The following ARK2C variants were observed in gnomAD, a reference collection of about 807,000 sequenced individuals.
The protein encoded by ARK2C is E3 ubiquitin-protein ligase ARK2C.
chr18:46,448,602 C>G, the ARK2C span, among the ~76,000 whole-genome samples: 44 of 152,258 alleles, frequency 2.9e-4, no homozygotes, highest in African/African-American at 8.7e-4. Flanking sequence ...AGATGCCTGC[C>G]TCGCCCATCT....
chr18:46,347,849 A>T, the ARK2C span, among the ~76,000 whole-genome samples: 3 of 152,152 alleles, frequency 2.0e-5, no homozygotes, highest in South Asian at 6.2e-4. Flanking sequence ...GGTGATAGTG[A>T]GGCTCAGATT....
At chr18:46,414,213 G>A in the ARK2C span, among the ~76,000 whole-genome samples, 5 of 152,234 alleles carry the variant, frequency 3.3e-5, no homozygotes, top group Admixed American at 2.0e-4. Flanking sequence ...TGATTAAGAC[G>A]GGACCTGAAC....
chr18:46,402,040 C>T, the ARK2C span, among the ~76,000 whole-genome samples: 1 of 152,214 alleles, frequency 6.6e-6, no homozygotes, highest in Admixed American at 6.5e-5. Context: ...CCATCTCTCA[C>T]GGTTTATGAG....
chr18:46,456,856 T>A, the ARK2C span: 1 of 532,310 alleles, frequency 1.9e-6, no homozygotes, highest in Non-Finnish European at 3.4e-6. Context: ...TCCGCCTGGC[T>A]GAGCAGGAGA....
chr18:46,409,093 G>A, the ARK2C span, among the ~76,000 whole-genome samples: 5 of 152,150 alleles, frequency 3.3e-5, no homozygotes, highest in Non-Finnish European at 7.4e-5. Flanking sequence ...TATATGTGGA[G>A]CACCTAACAG....
chr18:46,460,794 C>T, the ARK2C span: 1 of 152,610 alleles, frequency 6.6e-6, no homozygotes, highest in East Asian at 1.9e-4. Flanking sequence ...ATTCTGTATG[C>T]TGTGATCTAG....
the ARK2C span, among the ~76,000 whole-genome samples, chr18:46,347,119 C>T: frequency 6.6e-6 from 1 of 152,188 alleles, no homozygotes; most frequent in Non-Finnish European, 1.5e-5. Context: ...GGAGGCAGGA[C>T]TGGAGCTGTT....
chr18:46,369,941 ACACACACG>A, the ARK2C span, among the ~76,000 whole-genome samples: 431 of 152,198 alleles, frequency 2.8e-3, no homozygotes, highest in African/African-American at 0.01. Context: ...CCCTCCACAC[ACACACACG>A]CACACACGCA....
the ARK2C span, among the ~76,000 whole-genome samples, chr18:46,358,995 C>G: frequency 4.6e-5 from 7 of 152,206 alleles, no homozygotes; most frequent in African/African-American, 1.7e-4. Context: ...GTCAGGAGAG[C>G]TAGGCTCGAG....
the ARK2C span, among the ~76,000 whole-genome samples, chr18:46,364,103 A>G: frequency 3.8e-4 from 58 of 151,190 alleles, no homozygotes; most frequent in African/African-American, 1.4e-3. Context: ...AGGGACCACC[A>G]TGTCCGGCTA....
At chr18:46,455,131 A>G in the ARK2C span, among the ~76,000 whole-genome samples, 2 of 152,250 alleles carry the variant, frequency 1.3e-5, no homozygotes, top group Non-Finnish European at 2.9e-5. Flanking sequence ...GCCTATCTTA[A>G]GTGAACTTTC....
the ARK2C span, among the ~76,000 whole-genome samples, chr18:46,409,379 T>G: frequency 2.0e-5 from 3 of 152,276 alleles, no homozygotes; most frequent in Admixed American, 2.0e-4. Flanking sequence ...AGGGATCCTT[T>G]GAGGTTTGGC....
chr18:46,377,554 C>A, the ARK2C span, among the ~76,000 whole-genome samples: 39 of 152,150 alleles, frequency 2.6e-4, no homozygotes, highest in South Asian at 7.3e-3. Flanking sequence ...GGCAGCAGAG[C>A]AGTATTTTGT....
At chr18:46,375,893 A>G in the ARK2C span, among the ~76,000 whole-genome samples, 3 of 152,318 alleles carry the variant, frequency 2.0e-5, no homozygotes, top group South Asian at 2.1e-4. Context: ...GGGAAATAGC[A>G]AAACAGGTTC....
At chr18:46,445,737 T>C in the ARK2C span, among the ~76,000 whole-genome samples, 3 of 152,222 alleles carry the variant, frequency 2.0e-5, no homozygotes, top group African/African-American at 4.8e-5. Context: ...TCATGTGTTG[T>C]CCTTCTGTTG....
chr18:46,439,803 A>G, the ARK2C span, among the ~76,000 whole-genome samples: 12 of 152,220 alleles, frequency 7.9e-5, no homozygotes, highest in East Asian at 2.3e-3. Flanking sequence ...TATGACATCA[A>G]CTCATGGCCA....
the ARK2C span, among the ~76,000 whole-genome samples, chr18:46,433,679 A>G: frequency 6.6e-6 from 1 of 152,314 alleles, no homozygotes; most frequent in East Asian, 1.9e-4. Flanking sequence ...GCAGTCACCA[A>G]GTGGGTCTCT....
chr18:46,400,825 C>G, the ARK2C span, among the ~76,000 whole-genome samples: 1 of 152,146 alleles, frequency 6.6e-6, no homozygotes, highest in African/African-American at 2.4e-5. Flanking sequence ...AATCTTCCCC[C>G]TTGGTCTTCT....
At chr18:46,383,717 G>A in the ARK2C span, among the ~76,000 whole-genome samples, 1 of 152,026 alleles carries the variant, frequency 6.6e-6, no homozygotes, top group Non-Finnish European at 1.5e-5. Context: ...ACCGCGCCCG[G>A]CTAATTTTTT....
Sources: allele counts gnomAD v4.1 joint callset (sites outside exome capture counted in the v4.1 genomes callset), GRCh38; gene constraint gnomAD v4.1.1; transcripts MANE v1.5; gene names NCBI Gene and HGNC (gene_info 2026-07-23, HGNC 2026-07-21).